Variants in NCOA2 observed in about 807,000 individuals in gnomAD.
NCOA2 encodes nuclear receptor coactivator 2.
NCOA2 carries 21 observed loss-of-function variants against 145.1 expected under a neutral mutation model. The ratio of observed to expected loss-of-function variants is 0.14; its 90% CI spans 0.10 to 0.21. NCOA2 has a LOEUF of 0.21. NCOA2 is among the 10% of genes least tolerant of loss of function. The probability of loss-of-function intolerance (pLI) is 1.00; values close to 1 mark genes in which losing one functional copy is unlikely to be tolerated. For missense variants in NCOA2, 1,472 were observed against 1,837.6 expected (o/e 0.80, Z 3.64); for synonymous variants, 619 against 637.5 (o/e 0.97, Z 0.44).
At chr8:70,267,558 C>T (rs773442337) in intron 2 of NCOA2, among the ~76,000 whole-genome samples, 3 of 151,894 alleles carry the variant, frequency 2.0e-5, no homozygotes, top group Admixed American at 6.6e-5. Context: ...TCACCATGCC[C>T]GGCTAATTTT....
chr8:70,331,479 C>G (rs1027939066), intron 1 of NCOA2, among the ~76,000 whole-genome samples: 7 of 152,056 alleles, frequency 4.6e-5, no homozygotes, highest in Admixed American at 6.5e-5. Flanking sequence ...TTTTACAGAT[C>G]TCTTCAGTTG....
chr8:70,253,101 A>T (rs1823340301), intron 2 of NCOA2, among the ~76,000 whole-genome samples: 2 of 152,050 alleles, frequency 1.3e-5, no homozygotes, highest in African/African-American at 4.8e-5. Context: ...TTTTGTGAAG[A>T]TTATTTATCC....
intron 2 of NCOA2, among the ~76,000 whole-genome samples, chr8:70,295,712 C>A (rs534699513): frequency 6.6e-6 from 1 of 152,208 alleles, no homozygotes; most frequent in East Asian, 1.9e-4. Flanking sequence ...GAGGCCGAGG[C>A]AGGCAGATCA....
intron 4 of NCOA2, among the ~76,000 whole-genome samples, chr8:70,193,933 C>T (rs536579128): frequency 1.3e-4 from 20 of 152,324 alleles, no homozygotes; most frequent in African/African-American, 1.9e-4. Flanking sequence ...AGCAGCACCA[C>T]GCTGATATTG....
In NCOA2 at chr8:70,112,434, TAGTC is replaced by T. The variant is rs900276714; in HGVS notation, c.*1194_*1197del. 2.3e-4 allele frequency: 46 copies of T among 196,006 alleles called. No individual in the cohort carries two copies. The highest frequency in any genetic ancestry group is 6.7e-4 in the African/African-American group (29 of 43,322). The allele number at this position is 196,006 out of a possible 1,614,324, so 12.1% of individuals were successfully genotyped here. A position where few individuals can be genotyped will look rare whatever the true frequency, so the allele number is the denominator to read the frequency against. ...TTATGTACCTTACAAAACTTCGGCT[TAGTC>T]AGCACTGCTAAAAAACAAAATAAAA... On this transcript the variant is annotated 3_prime_UTR_variant, in exon 23 of 23. Transcript: ENST00000452400.
chr8:70,237,900 G>A (rs150484043), intron 2 of NCOA2, among the ~76,000 whole-genome samples: 1 of 152,020 alleles, frequency 6.6e-6, no homozygotes. Flanking sequence ...ACTGTGTGAC[G>A]TTCTAAGTAA....
At chr8:70,213,086 A>G (rs2133868173) in intron 4 of NCOA2, among the ~76,000 whole-genome samples, 1 of 147,826 alleles carries the variant, frequency 6.8e-6, no homozygotes, top group Non-Finnish European at 1.5e-5. Context: ...CTGTCTCAAA[A>G]AAAACACCAA....
the NCOA2 span, among the ~76,000 whole-genome samples, chr8:70,439,741 G>A: frequency 2.5e-3 from 376 of 152,268 alleles, 2 homozygotes; most frequent in African/African-American, 8.7e-3. Context: ...TCAGCCCCGC[G>A]GAGGAGGCTT....
chr8:70,351,182 A>C (rs1330329165), intron 1 of NCOA2, among the ~76,000 whole-genome samples: 1 of 152,228 alleles, frequency 6.6e-6, no homozygotes, highest in African/African-American at 2.4e-5. Context: ...ATGGCAATTA[A>C]ATTTCAACCT....
intron 1 of NCOA2, among the ~76,000 whole-genome samples, chr8:70,297,501 T>G (rs2135763845): frequency 6.6e-6 from 1 of 152,236 alleles, no homozygotes; most frequent in Middle Eastern, 3.4e-3. Flanking sequence ...ACCCAGCTAA[T>G]CTTTTATTTT....
At chr8:70,242,686 A>T (rs527600065) in intron 2 of NCOA2, among the ~76,000 whole-genome samples, 1 of 152,210 alleles carries the variant, frequency 6.6e-6, no homozygotes, top group African/African-American at 2.4e-5. Context: ...ACAGAATTCA[A>T]ATGTCTCTAA....
At chr8:70,367,936 A>G (rs1365995301) in intron 1 of NCOA2, among the ~76,000 whole-genome samples, 1 of 152,206 alleles carries the variant, frequency 6.6e-6, no homozygotes, top group African/African-American at 2.4e-5. Flanking sequence ...TAGGGTTTCA[A>G]TATGTGTAAA....
At chr8:70,399,670 T>C (rs1231428678) in intron 1 of NCOA2, among the ~76,000 whole-genome samples, 1 of 152,256 alleles carries the variant, frequency 6.6e-6, no homozygotes, top group African/African-American at 2.4e-5. Context: ...TAAATAAGCA[T>C]TAACTTGGCT....
At chr8:70,425,373 T>G in the NCOA2 span, among the ~76,000 whole-genome samples, 1 of 152,118 alleles carries the variant, frequency 6.6e-6, no homozygotes, top group Non-Finnish European at 1.5e-5. Context: ...TCCTGAGAAT[T>G]TAGTGGTGCC....
At position 70,113,617 on chromosome 8, in the gene NCOA2, C is replaced by A; in HGVS notation, c.*15G>T. On this transcript the variant is annotated 3_prime_UTR_variant, in exon 23 of 23. Coordinates refer to ENST00000452400, the MANE Select transcript of NCOA2 (RefSeq NM_006540.4). ...TGAGCCCGGTCAGCTGAAGAAGCAA[C>A]TGGCTTCAGCAGTGTCAGCAATATT... 6.4e-7 allele frequency: 1 copy of A among 1,551,948 alleles called. No individual in the cohort carries two copies. Among genetic ancestry groups the A allele is most frequent in the Non-Finnish European group, 8.7e-7 (1 of 1,147,034 alleles).
chr8:70,430,638 T>C, the NCOA2 span, among the ~76,000 whole-genome samples: 2 of 152,152 alleles, frequency 1.3e-5, no homozygotes, highest in Non-Finnish European at 2.9e-5. Context: ...CGGCATTACG[T>C]TTAATAATCT....
chr8:70,149,102 A>C (rs1343981425), intron 11 of NCOA2, among the ~76,000 whole-genome samples: 1 of 151,562 alleles, frequency 6.6e-6, no homozygotes, highest in African/African-American at 2.4e-5. Context: ...TTGGACTTTC[A>C]ATTTTGAATG....
chr8:70,315,996 T>C (rs1253909572), intron 1 of NCOA2, among the ~76,000 whole-genome samples: 1 of 152,126 alleles, frequency 6.6e-6, no homozygotes, highest in East Asian at 1.9e-4. Flanking sequence ...CTAAAGAAAA[T>C]TCCTAAAGGA....
chr8:70,432,456 G>A, the NCOA2 span, among the ~76,000 whole-genome samples: 1 of 152,248 alleles, frequency 6.6e-6, no homozygotes, highest in African/African-American at 2.4e-5. Context: ...GAGGCCAGGG[G>A]TTTGAGATCA....
Sources: gnomAD v4.1 joint callset for allele counts (sites outside exome capture counted in the v4.1 genomes callset) on GRCh38, gnomAD v4.1.1 for gene constraint, MANE v1.5 for transcripts, NCBI Gene and HGNC (gene_info 2026-07-23, HGNC 2026-07-21) for gene names.